CES3: variants seen among roughly 807,000 people sequenced by gnomAD.
CES3 encodes the protein carboxylesterase 3.
Under a neutral mutation model 57.6 loss-of-function variants are expected in CES3, and 49 were observed. The ratio of observed to expected loss-of-function variants is 0.85; its 90% confidence interval spans 0.68 to 1.08. The LOEUF (loss-of-function observed/expected upper bound fraction) is 1.08, where lower values mean the gene tolerates loss of function less well. Ranked by LOEUF, CES3 falls within the 50% of genes least tolerant of loss-of-function variation. The pLI is 0.00. For synonymous variants in CES3, 266 were observed against 281.6 expected (o/e 0.94, Z 0.55); for missense variants, 645 against 742.0 (o/e 0.87, Z 1.52).
At position 66,972,935 on chromosome 16, in the gene CES3, G is replaced by A. The variant is rs3848289; in HGVS notation, c.1602G>A (p.Arg534=). 82,476 of 1,614,102 alleles carry A rather than the reference G, an allele frequency of 0.051. 2,592 individuals are homozygous for A. Among genetic ancestry groups the A allele is most frequent in the Admixed American group, 0.13 (7,943 of 60,020 alleles). The change falls in exon 13 of 13, where the codon CGG becomes CGA. Residue 534 remains arginine, a synonymous_variant. Coordinates refer to ENST00000303334, the MANE Select transcript of CES3 (RefSeq NM_024922.6). ...EQYLEINPVP[R]AGQKFREAWM... is the part of the protein sequence containing the mutation. ...ATCTGGAGATCAACCCAGTGCCACG[G>A]GCCGGACAGAAGTTCAGGGAGGCCT...
chr16:66,971,351 C>T (rs762096440), intron 10 of CES3, 32 bp downstream of exon 10: 3 of 1,601,312 alleles, frequency 1.9e-6, no homozygotes, highest in Non-Finnish European at 1.7e-6. Flanking sequence ...TGCCCAACCC[C>T]TCCCACTTGG....
In CES3 at chr16:66,963,017, A is replaced by G; in HGVS notation, c.83-162A>G. ...AGTGACTCTCAGGCAGGCAGGGAGG[A>G]GGAAGTTGGGCGTCAACCTAAGACC... is the stretch of plus-strand genomic sequence containing the variant. On this transcript the variant is annotated intron_variant, in intron 1 of 12. Transcript: ENST00000303334. This position sits in a 1 kb window ranked among gnomAD's most constrained non-coding sequence, Gnocchi z 4.9. 1 of 762,656 alleles carries G rather than the reference A, an allele frequency of 1.3e-6. No individual in the cohort carries two copies. The highest frequency in any genetic ancestry group is 2.3e-6 in the Non-Finnish European group (1 of 440,170). 47.2% of individuals were successfully genotyped at this position (762,656 alleles called of 1,614,324 possible). A position where few individuals can be genotyped will look rare whatever the true frequency, so the allele number is the denominator to read the frequency against.
Position 66,963,341 on chromosome 16 carries a change from A to C in CES3, c.245A>C (p.Gln82Pro). ...PDRFSAPHPAQPWEGVRDAST... is the reference protein window; with the variant it reads ...PDRFSAPHPAPPWEGVRDAST... The stretch of plus-strand genomic sequence containing the variant: ...CGGTTCTCAGCCCCACACCCAGCAC[A>C]GCCCTGGGAGGGTGTGCGGGATGCC... The change falls in exon 2 of 13, where the codon CAG (glutamine) becomes CCG (proline). Residue 82 changes from glutamine (Q) to proline (P), a missense_variant. Physicochemically the swap from Gln to Pro is moderately conservative, Grantham distance 76 (BLOSUM62 -1). Transcript: ENST00000303334. This position sits in a 1 kb window ranked among gnomAD's most constrained non-coding sequence, Gnocchi z 4.9. The C allele has an allele frequency of 6.2e-7, 1 of 1,613,472 alleles. No homozygotes were observed. Among genetic ancestry groups the C allele is most frequent in the African/African-American group, 1.3e-5 (1 of 75,056 alleles).
chr16:66,964,908 AGGGAG>A (rs1300251076), intron 6 of CES3, among the ~76,000 whole-genome samples, 181 bp downstream of exon 6: 3 of 152,194 alleles, frequency 2.0e-5, no homozygotes, highest in Non-Finnish European at 4.4e-5. Context: ...ATTGGCACTC[AGGGAG>A]GGCTTCCTGA....
Position 66,966,289 on chromosome 16 carries a change from A to G in CES3, c.865A>G (p.Met289Val). 6.2e-7 allele frequency: 1 copy of G among 1,613,658 alleles called. No individual in the cohort carries two copies. The highest frequency in any genetic ancestry group is 1.1e-5 in the South Asian group (1 of 91,070). ...LACSSSSPAE[M>V]VQCLQQKEGE... ...CTGCAGCTCCAGCTCCCCGGCTGAG[A>G]TGGTGCAGTGCCTTCAGCAGAAAGA... The change falls in exon 7 of 13, where the codon ATG becomes GTG. Residue 289 changes from methionine (M) to valine (V), a missense_variant. Met to Val is a conservative substitution (Grantham distance 21, BLOSUM62 1). Coordinates refer to ENST00000303334, the MANE Select transcript of CES3 (RefSeq NM_024922.6).
At chr16:66,970,659 G>T (rs995417470) in intron 9 of CES3, among the ~76,000 whole-genome samples, 1 of 152,168 alleles carries the variant, frequency 6.6e-6, no homozygotes, top group Non-Finnish European at 1.5e-5. Context: ...CTGCCCACTC[G>T]CCTGGGCTGT....
rs1165736722 is a variant in CES3, at chr16:66,971,319, G to A, written c.1291G>A (p.Asp431Asn). 3.1e-6 allele frequency: 5 copies of A among 1,612,430 alleles called. No homozygotes were observed. Among genetic ancestry groups the A allele is most frequent in the Non-Finnish European group, 4.2e-6 (5 of 1,178,990 alleles). ...PTVSFSRYLR[D>N]SGSPVFFYEF... ...CGTCAGTTTTTCAAGATACCTTCGA[G>A]GTAAGCCTGTCCCTGGCCACCTGCC... is the stretch of plus-strand genomic sequence containing the variant. The change falls in exon 10 of 13, where the codon GAT (aspartate) becomes AAT (asparagine). Residue 431 changes from aspartate to asparagine, a missense_variant and splice_region_variant. Physicochemically the swap from Asp to Asn is conservative, Grantham distance 23 (BLOSUM62 1). Transcript: ENST00000303334.
At position 66,963,853 on chromosome 16, in the gene CES3, T is replaced by C. The variant is rs71647892; in HGVS notation, c.478T>C (p.Tyr160His). Residue 160 changes from tyrosine (Y) to histidine (H), a missense_variant, in exon 4 of 13, where the codon TAC (tyrosine) becomes CAC (histidine). By Grantham distance (83) the Tyr-to-His change is moderately conservative. Transcript: ENST00000303334. The surrounding 1 kb of genome is among the most constrained non-coding windows in gnomAD (Gnocchi z 4.9). ...GALITGAATSYDGSALAAYGD... is the reference protein window; with the variant it reads ...GALITGAATSHDGSALAAYGD... ...TCTGATAACTGGCGCTGCCACCTCC[T>C]ACGATGGATCAGCTCTGGCTGCCTA... 14,191 of 1,614,174 alleles carry C rather than the reference T, an allele frequency of 8.8e-3. 75 individuals carry two copies. Among genetic ancestry groups the C allele is most frequent in the Non-Finnish European group, 0.011 (13,039 of 1,179,990 alleles).
Position 66,964,631 on chromosome 16 carries a change from C to T in CES3, c.723C>T (p.Ser241=), listed in dbSNP as rs1350532094. The part of the protein sequence containing the change: ...GGSIISGLVL[S]PVAAGLFHRA... Reference sequence around the variant, plus strand: ...CTCTCCAATGCACCCAGGTCCTGTCCCCAGTGGCTGCAGGGCTGTTCCACA... The same window carrying T: ...CTCTCCAATGCACCCAGGTCCTGTCTCCAGTGGCTGCAGGGCTGTTCCACA... Residue 241 remains serine, a synonymous_variant, in exon 6 of 13, where the codon TCC becomes TCT. Transcript: ENST00000303334. The T allele has an allele frequency of 4.3e-6, 7 of 1,613,966 alleles. No homozygotes were observed. In the Admixed American group the frequency reaches 6.7e-5, roughly 15 times the overall value.
intron 7 of CES3, 156 bp downstream of exon 7, chr16:66,966,501 G>T: frequency 1.2e-6 from 1 of 833,180 alleles, no homozygotes. Flanking sequence ...GAAATGGAGG[G>T]CCATCTCCAT....
intron 8 of CES3, chr16:66,967,646 CTTCT>C (rs1371779728): frequency 3.8e-5 from 37 of 984,690 alleles, no homozygotes; most frequent in Non-Finnish European, 4.3e-5. Context: ...CATTCTTATT[CTTCT>C]ACCCATCTTC....
chr16:66,961,488 C>A, intron 1 of CES3, 99 bp downstream of exon 1: 1 of 925,336 alleles, frequency 1.1e-6, no homozygotes, highest in Non-Finnish European at 1.7e-6. Flanking sequence ...AGGAAACAGT[C>A]CTGTTTGGAG....
In CES3 at chr16:66,964,712, T is replaced by C. The variant is rs1414273995; in HGVS notation, c.804T>C (p.Pro268=). ...CCCCAGGGATCATCGACTCTCACCC[T>C]TGGCCCCTAGCTCAGGTCTGTATTT... is the stretch of plus-strand genomic sequence containing the variant. ...ITTPGIIDSH[P]WPLAQKIANT... Residue 268 remains proline (P), a synonymous_variant, in exon 6 of 13, where the codon CCT becomes CCC. Coordinates refer to ENST00000303334, the MANE Select transcript of CES3 (RefSeq NM_024922.6). 1 of 1,613,840 alleles carries C rather than the reference T, an allele frequency of 6.2e-7. No individual in the cohort carries two copies. Among genetic ancestry groups the C allele is most frequent in the African/African-American group, 1.3e-5 (1 of 74,902 alleles).
At chr16:66,972,778 G>A in intron 12 of CES3, 32 bp downstream of exon 12, 1 of 1,614,184 alleles carries the variant, frequency 6.2e-7, no homozygotes, top group Non-Finnish European at 8.5e-7. Flanking sequence ...GCTCGCTTTG[G>A]GCCTGGGATG....
intron 1 of CES3, among the ~76,000 whole-genome samples, chr16:66,961,810 T>A (rs910154847): frequency 3.3e-5 from 5 of 152,232 alleles, no homozygotes; most frequent in Admixed American, 2.0e-4. Context: ...GTGACCCACC[T>A]GCCTCGGCCT....
rs1963675729 is a variant in CES3, at chr16:66,963,243, C to T, written c.147C>T (p.Gly49=). The change falls in exon 2 of 13, where the codon GGC becomes GGT. Residue 49 remains glycine, a synonymous_variant. Transcript: ENST00000303334. This position sits in a 1 kb window ranked among gnomAD's most constrained non-coding sequence, Gnocchi z 4.9. ...TLGRVRGRQV[G]VKGTDRLVNV... is the part of the protein sequence containing the mutation. Reference sequence around the variant, plus strand: ...GTCGTGTGCGAGGCCGGCAGGTGGGCGTGAAGGGCACAGACCGCCTTGTGA... The same window carrying T: ...GTCGTGTGCGAGGCCGGCAGGTGGGTGTGAAGGGCACAGACCGCCTTGTGA... 3 of 1,614,198 alleles carry T rather than the reference C, an allele frequency of 1.9e-6. No individual in the cohort carries two copies. Among genetic ancestry groups the T allele is most frequent in the Non-Finnish European group, 2.5e-6 (3 of 1,180,032 alleles).
chr16:66,967,255 C>T (rs140878571), intron 8 of CES3, among the ~76,000 whole-genome samples: 1 of 152,124 alleles, frequency 6.6e-6, no homozygotes, highest in Non-Finnish European at 1.5e-5. Flanking sequence ...GCTTTCACCA[C>T]GTTGGCCAGG....
chr16:66,964,778 T>C, intron 6 of CES3, 51 bp downstream of exon 6: 1 of 1,474,930 alleles, frequency 6.8e-7, no homozygotes, highest in Non-Finnish European at 9.3e-7. Context: ...CATACCCCAC[T>C]CTGTGCTGGC....
At chr16:66,966,198 G>T in intron 6 of CES3, 46 bp from the exon 7 acceptor site, 1 of 1,566,028 alleles carries the variant, frequency 6.4e-7, no homozygotes, top group South Asian at 1.1e-5. Flanking sequence ...TGCAAGGTGG[G>T]GCTGAGTGGC....
Sources: allele counts gnomAD v4.1 joint callset (sites outside exome capture counted in the v4.1 genomes callset), GRCh38; gene constraint gnomAD v4.1.1; non-coding constraint Gnocchi (gnomAD v3.1); transcripts MANE v1.5; gene names NCBI Gene and HGNC (gene_info 2026-07-23, HGNC 2026-07-21).